MTMR8: variants seen among roughly 807,000 people sequenced by gnomAD.
MTMR8 encodes the protein myotubularin related protein 8.
Under a neutral mutation model 39.3 loss-of-function variants are expected in MTMR8, and 65 were observed. The observed-to-expected ratio is 1.65, with a 90% CI of 1.35 to 2.03. The LOEUF (loss-of-function observed/expected upper bound fraction) is 2.03, where lower values mean the gene tolerates loss of function less well. Ranked by LOEUF, MTMR8 falls within the 30% of genes most tolerant of loss-of-function variation. MTMR8 has a pLI of 0.00. For missense variants in MTMR8, 777 were observed against 538.9 expected (o/e 1.44, Z -4.37); for synonymous variants, 245 against 185.2 (o/e 1.32, Z -2.62).
intron 10 of MTMR8, among the ~76,000 whole-genome samples, chrX:64,334,607 A>G (rs1350469159): frequency 9.5e-6 from 1 of 105,508 alleles, no homozygotes; most frequent in Non-Finnish European, 1.9e-5. Context: ...AGGGCTCTGA[A>G]TGATCTTCTC....
chrX:64,346,768 T>G (rs6624109), intron 6 of MTMR8, among the ~76,000 whole-genome samples: 26,291 of 109,768 alleles, frequency 0.24, 7,704 homozygotes, highest in African/African-American at 0.83. Context: ...TTGAACAAAA[T>G]GCACCAACCC....
intron 12 of MTMR8, among the ~76,000 whole-genome samples, chrX:64,292,443 C>A (rs1160867470): frequency 9.0e-6 from 1 of 111,093 alleles, no homozygotes; most frequent in Non-Finnish European, 1.9e-5. Context: ...GGTTGCTTTT[C>A]ACCAGGGTTT....
intron 12 of MTMR8, among the ~76,000 whole-genome samples, chrX:64,300,137 T>A (rs1921798643): frequency 9.5e-6 from 1 of 105,452 alleles, no homozygotes; most frequent in Admixed American, 1.0e-4. Context: ...GGTATCCTTG[T>A]GGACTTTCTG....
intron 12 of MTMR8, among the ~76,000 whole-genome samples, chrX:64,272,156 G>T (rs1569206541): frequency 9.0e-6 from 1 of 111,587 alleles, no homozygotes; most frequent in East Asian, 2.8e-4. Context: ...GGATTCTTCT[G>T]ACGTGCAGAA....
chrX:64,334,583 A>C (rs955155082), intron 10 of MTMR8, among the ~76,000 whole-genome samples: 63 of 106,018 alleles, frequency 5.9e-4, no homozygotes, highest in African/African-American at 1.8e-3. Flanking sequence ...AAAAAAAAAA[A>C]AAAAAAAAAA....
At chrX:64,317,163 G>A (rs775197803) in intron 12 of MTMR8, among the ~76,000 whole-genome samples, 1 of 109,200 alleles carries the variant, frequency 9.2e-6, no homozygotes, top group Admixed American at 9.8e-5. Flanking sequence ...TTGCTATGAT[G>A]TATTTTCATG....
chrX:64,287,051 T>G (rs1440939956), intron 12 of MTMR8, among the ~76,000 whole-genome samples: 1 of 111,799 alleles, frequency 8.9e-6, no homozygotes, highest in Non-Finnish European at 1.9e-5. Flanking sequence ...CATGATTGTA[T>G]ATCTAGAAAA....
chrX:64,330,723 G>A (rs1922916902), intron 11 of MTMR8, among the ~76,000 whole-genome samples: 1 of 111,655 alleles, frequency 9.0e-6, no homozygotes, highest in African/African-American at 3.2e-5. Context: ...AAACTATAGA[G>A]AATGGTAAGA....
At chrX:64,271,306 C>G (rs747789842) in intron 12 of MTMR8, among the ~76,000 whole-genome samples, 1 of 111,561 alleles carries the variant, frequency 9.0e-6, no homozygotes, top group East Asian at 2.8e-4. Flanking sequence ...ACTTGAGGTT[C>G]TTTTAAACAA....
intron 6 of MTMR8, 75 bp from the exon 7 acceptor site, chrX:64,345,252 C>T: frequency 9.9e-7 from 1 of 1,011,229 alleles, no homozygotes. Flanking sequence ...CTCAATGCCT[C>T]ATTCTGAACC....
At chrX:64,359,292 A>G in intron 2 of MTMR8, 113 bp downstream of exon 2, 1 of 794,054 alleles carries the variant, frequency 1.3e-6, no homozygotes, top group Non-Finnish European at 1.7e-6. Context: ...CCTCTGAAGA[A>G]AAGGTTTTAC....
intron 12 of MTMR8, among the ~76,000 whole-genome samples, chrX:64,322,092 G>A (rs1922663890): frequency 9.2e-6 from 1 of 108,692 alleles, no homozygotes; most frequent in East Asian, 2.9e-4. Context: ...GACCCAGGTG[G>A]GAGTGCAGTG....
intron 12 of MTMR8, among the ~76,000 whole-genome samples, chrX:64,294,714 G>C (rs754349820): frequency 1.8e-5 from 2 of 111,791 alleles, no homozygotes; most frequent in Non-Finnish European, 3.8e-5. Flanking sequence ...ATAGATGACT[G>C]TCTTTTTGCT....
chrX:64,269,134 G>T (rs1464572623), intron 13 of MTMR8, 91 bp from the exon 14 acceptor site: 1 of 946,952 alleles, frequency 1.1e-6, no homozygotes, highest in Non-Finnish European at 1.5e-6. Flanking sequence ...TCCTATTGCT[G>T]TCACTTATAA....
intron 8 of MTMR8, 56 bp from the exon 9 acceptor site, chrX:64,337,449 A>AG: frequency 8.6e-7 from 1 of 1,168,015 alleles, no homozygotes; most frequent in South Asian, 1.9e-5. Context: ...AGCTTGTTGG[A>AG]TTAAAGAGTT....
intron 12 of MTMR8, among the ~76,000 whole-genome samples, chrX:64,304,554 C>A (rs1388096806): frequency 9.0e-6 from 1 of 110,819 alleles, no homozygotes; most frequent in Non-Finnish European, 1.9e-5. Flanking sequence ...GCATCCAATT[C>A]TCTTTTACGG....
chrX:64,363,381 C>T (rs1211090970), intron 1 of MTMR8, among the ~76,000 whole-genome samples: 1 of 111,136 alleles, frequency 9.0e-6, no homozygotes, highest in East Asian at 2.8e-4. Flanking sequence ...TCATGCTGTC[C>T]TCATGATAAT....
chrX:64,275,859 C>T (rs1436818990), intron 12 of MTMR8, among the ~76,000 whole-genome samples: 1 of 109,592 alleles, frequency 9.1e-6, no homozygotes, highest in Non-Finnish European at 1.9e-5. Context: ...ATTGGATAAC[C>T]CAGAATAAAT....
intron 1 of MTMR8, among the ~76,000 whole-genome samples, chrX:64,361,193 T>A (rs2147235259): frequency 9.0e-6 from 1 of 111,597 alleles, no homozygotes; most frequent in African/African-American, 3.2e-5. Context: ...AAAATGGCAA[T>A]GGTAGTCAAA....
Sources: gnomAD v4.1 joint callset for allele counts (sites outside exome capture counted in the v4.1 genomes callset) on GRCh38, gnomAD v4.1.1 for gene constraint, MANE v1.5 for transcripts, NCBI Gene and HGNC (gene_info 2026-07-23, HGNC 2026-07-21) for gene names.